The following TMEM232 variants were observed in gnomAD, a reference collection of about 807,000 sequenced individuals.
The protein encoded by TMEM232 is transmembrane protein 232.
Under a neutral mutation model 78.8 loss-of-function variants are expected in TMEM232, and 80 were observed. The observed-to-expected ratio is 1.01, with a 90% CI of 0.85 to 1.22. The LOEUF is 1.22. Among genes scored for constraint, TMEM232 ranks in the 50% most tolerant of loss-of-function variants. The pLI, the probability that TMEM232 is intolerant of heterozygous loss-of-function variation, is 0.00. For missense variants in TMEM232, 881 were observed against 742.2 expected, an observed-to-expected ratio of 1.19 and a Z score of -2.17; for synonymous variants, 297 against 254.3, an observed-to-expected ratio of 1.17 and a Z score of -1.60.
chr5:110,511,350 G>C (rs1228148463), intron 12 of TMEM232, among the ~76,000 whole-genome samples: 1 of 151,642 alleles, frequency 6.6e-6, no homozygotes, highest in Admixed American at 6.6e-5. Context: ...GTAGATGATG[G>C]GTTGATGGGT....
intron 2 of TMEM232, among the ~76,000 whole-genome samples, chr5:110,404,801 C>G (rs1755726204): frequency 1.3e-5 from 2 of 152,066 alleles, no homozygotes; most frequent in African/African-American, 4.8e-5. Context: ...GGCAACTTCT[C>G]TACCTAGGGA....
rs1554091660 is a variant in TMEM232, at chr5:110,499,635, CCA to C, written c.1703+28951_1703+28952del. ...GAAAAATATATGTATACACCCCCCC[CCA>C]CACACACACATATATATATATATAA... On this transcript the variant is annotated intron_variant, in intron 12 of 13. Transcript: ENST00000455884. Among the ~76,000 whole-genome samples, 598 of 143,598 alleles carry C rather than the reference CCA, an allele frequency of 4.2e-3. 8 individuals carry two copies. The highest frequency in any genetic ancestry group is 0.017 in the African/African-American group (582 of 35,124). 94.2% of individuals were successfully genotyped at this position (143,598 alleles called of 152,430 possible).
chr5:110,716,122 A>C (rs1796983669), intron 1 of TMEM232, among the ~76,000 whole-genome samples: 1 of 151,764 alleles, frequency 6.6e-6, no homozygotes, highest in African/African-American at 2.4e-5. Flanking sequence ...CTGTACCCTG[A>C]CCACCTTGGG....
chr5:110,620,718 C>T (rs1783616519), intron 7 of TMEM232, among the ~76,000 whole-genome samples: 1 of 150,050 alleles, frequency 6.7e-6, no homozygotes, highest in South Asian at 2.1e-4. Context: ...CCCAATATGT[C>T]TAATTGCAGA....
chr5:110,430,918 C>G (rs1757765917), intron 12 of TMEM232, among the ~76,000 whole-genome samples: 1 of 151,656 alleles, frequency 6.6e-6, no homozygotes, highest in South Asian at 2.1e-4. Flanking sequence ...GAGGAAGGAC[C>G]TGGAGAAGTA....
chr5:110,526,239 G>T (rs979903931), intron 12 of TMEM232, among the ~76,000 whole-genome samples: 3 of 150,200 alleles, frequency 2.0e-5, no homozygotes, highest in African/African-American at 7.3e-5. Context: ...AAAGAAAAAT[G>T]ACTATACGGC....
intron 2 of TMEM232, among the ~76,000 whole-genome samples, chr5:110,662,109 G>T (rs1253927232): frequency 6.6e-6 from 1 of 151,968 alleles, no homozygotes; most frequent in Non-Finnish European, 1.5e-5. Context: ...AAGATATTCA[G>T]AATTAATAAG....
chr5:110,406,265 T>TATACAC (rs369880810), intron 2 of TMEM232, among the ~76,000 whole-genome samples: 156 of 143,686 alleles, frequency 1.1e-3, no homozygotes, highest in Non-Finnish European at 1.8e-3. Flanking sequence ...CAGATATATA[T>TATACAC]ACACACACAC....
At chr5:110,689,323 C>A (rs531876918) in intron 1 of TMEM232, among the ~76,000 whole-genome samples, 253 of 152,214 alleles carry the variant, frequency 1.7e-3, no homozygotes, top group African/African-American at 5.7e-3. Flanking sequence ...TTATTGCATA[C>A]ATATATATGT....
intron 10 of TMEM232, among the ~76,000 whole-genome samples, chr5:110,603,043 A>G (rs1442113587): frequency 6.6e-6 from 1 of 152,162 alleles, no homozygotes; most frequent in East Asian, 1.9e-4. Flanking sequence ...ACATAGGAAC[A>G]GAAAACCAAA....
chr5:110,665,017 T>C (rs1381630164), intron 2 of TMEM232, among the ~76,000 whole-genome samples: 1 of 152,206 alleles, frequency 6.6e-6, no homozygotes, highest in Non-Finnish European at 1.5e-5. Flanking sequence ...TGAATTGTAG[T>C]GGCCATAATA....
intron 12 of TMEM232, among the ~76,000 whole-genome samples, chr5:110,476,837 T>G (rs1473467397): frequency 2.0e-5 from 3 of 152,086 alleles, no homozygotes; most frequent in Admixed American, 2.0e-4. Flanking sequence ...CTTTATTAGT[T>G]ACCTTATTTC....
At chr5:110,481,593 T>C (rs1355403358) in intron 12 of TMEM232, among the ~76,000 whole-genome samples, 1 of 152,112 alleles carries the variant, frequency 6.6e-6, no homozygotes, top group Non-Finnish European at 1.5e-5. Context: ...CATTAAATGC[T>C]CATCATGTGC....
At chr5:110,476,986 A>G (rs1263648699) in intron 12 of TMEM232, among the ~76,000 whole-genome samples, 1 of 152,040 alleles carries the variant, frequency 6.6e-6, no homozygotes, top group East Asian at 1.9e-4. Flanking sequence ...AAATGGGACA[A>G]AAACGGTATG....
chr5:110,430,628 G>GT (rs1194490445), intron 12 of TMEM232, among the ~76,000 whole-genome samples: 1 of 151,556 alleles, frequency 6.6e-6, no homozygotes, highest in Non-Finnish European at 1.5e-5. Context: ...ATTTCACTTA[G>GT]TTTTTTTCCC....
At chr5:110,539,335 TACCC>T in intron 11 of TMEM232, among the ~76,000 whole-genome samples, 1 of 152,312 alleles carries the variant, frequency 6.6e-6, no homozygotes, top group Admixed American at 6.5e-5. Context: ...GACCCCATCT[TACCC>T]ATTCTAAAGC....
chr5:110,578,613 A>T (rs1006991962), intron 10 of TMEM232, among the ~76,000 whole-genome samples: 1 of 151,816 alleles, frequency 6.6e-6, no homozygotes, highest in African/African-American at 2.4e-5. Context: ...TTCTTACCTA[A>T]ATATTTCCTA....
intron 12 of TMEM232, among the ~76,000 whole-genome samples, chr5:110,444,587 G>A (rs1450889224): frequency 6.6e-6 from 1 of 152,136 alleles, no homozygotes; most frequent in African/African-American, 2.4e-5. Context: ...TGTTCCTGTG[G>A]GGGATGGTGA....
chr5:110,573,778 G>A (rs1777237122), intron 10 of TMEM232, among the ~76,000 whole-genome samples: 2 of 152,052 alleles, frequency 1.3e-5, no homozygotes, highest in African/African-American at 2.4e-5. Flanking sequence ...ATCATTGAAG[G>A]AACAAGGGAA....
Sources: allele counts gnomAD v4.1 joint callset (sites outside exome capture counted in the v4.1 genomes callset), GRCh38; gene constraint gnomAD v4.1.1; transcripts MANE v1.5; gene names NCBI Gene and HGNC (gene_info 2026-07-23, HGNC 2026-07-21).